LRP1: variants seen among roughly 807,000 people sequenced by gnomAD.
The protein encoded by LRP1 is prolow-density lipoprotein receptor-related protein 1.
LRP1 carries 51 observed loss-of-function variants against 541.5 expected under a neutral mutation model. That is an observed-to-expected ratio of 0.09 (90% confidence interval 0.08 to 0.12). The LOEUF (loss-of-function observed/expected upper bound fraction) is 0.12, where lower values mean the gene tolerates loss of function less well. Among genes scored for constraint, LRP1 ranks in the 10% least tolerant of loss-of-function variants. The pLI is 1.00. For missense variants in LRP1, 3,878 were observed against 6,376.2 expected, an observed-to-expected ratio of 0.61 and a Z score of 13.34; for synonymous variants, 2,219 against 2,470.8, an observed-to-expected ratio of 0.90 and a Z score of 3.02.
In LRP1 at chr12:57,212,760, G is replaced by A; in HGVS notation, c.*205G>A. On this transcript the variant is annotated 3_prime_UTR_variant, in exon 89 of 89. Coordinates refer to ENST00000243077, the MANE Select transcript of LRP1 (RefSeq NM_002332.3). This position sits in a 1 kb window ranked among gnomAD's most constrained non-coding sequence, Gnocchi z 5.0. ...CCATCCCCTCCCTGCCTGCTCCTTG[G>A]CACCCCCATGCTGCCTTCAGGGAGA... The A allele has an allele frequency of 3.5e-6, 2 of 565,238 alleles. No individual in the cohort carries two copies. Among genetic ancestry groups the A allele is most frequent in the South Asian group, 4.5e-5 (2 of 44,910 alleles). 35.0% of individuals were successfully genotyped at this position (565,238 alleles called of 1,614,324 possible).
chr12:57,169,921 AT>A (rs2035913088), intron 20 of LRP1, among the ~76,000 whole-genome samples: 1 of 152,164 alleles, frequency 6.6e-6, no homozygotes, highest in Non-Finnish European at 1.5e-5. Flanking sequence ...AGATGTGCAG[AT>A]TTTTATGTGA....
Position 57,211,133 on chromosome 12 carries a change from T to C in LRP1, c.12917-43T>C, listed in dbSNP as rs1376227978. 1.9e-6 allele frequency: 3 copies of C among 1,599,168 alleles called. No homozygotes were observed. Among genetic ancestry groups the C allele is most frequent in the Non-Finnish European group, 2.6e-6 (3 of 1,168,416 alleles). On this transcript the variant is annotated intron_variant, in intron 83 of 88. Coordinates refer to ENST00000243077, the MANE Select transcript of LRP1 (RefSeq NM_002332.3). The surrounding 1 kb of genome is among the most constrained non-coding windows in gnomAD (Gnocchi z 4.3). Reference sequence around the variant, plus strand: ...CTGTTCAACCTATGGAGAGCCCTCATGAGGGTGGGGCTTGAGGCACTTCTC... The same window carrying C: ...CTGTTCAACCTATGGAGAGCCCTCACGAGGGTGGGGCTTGAGGCACTTCTC...
intron 20 of LRP1, among the ~76,000 whole-genome samples, chr12:57,170,018 A>C (rs1455754276): frequency 6.6e-6 from 1 of 152,256 alleles, no homozygotes; most frequent in Non-Finnish European, 1.5e-5. Flanking sequence ...AACTGTTGGC[A>C]GGGTGGGTTC....
At position 57,156,674 on chromosome 12, in the gene LRP1, C is replaced by A; in HGVS notation, c.1418-103C>A. ...AAATCCTAAAATGGGATAGCAAGCACAAAGACCACAGCAGCAGGGGGTGTG... is the reference window on the plus strand; with the variant it reads ...AAATCCTAAAATGGGATAGCAAGCAAAAAGACCACAGCAGCAGGGGGTGTG... On this transcript the variant is annotated intron_variant, in intron 9 of 88. Coordinates refer to ENST00000243077, the MANE Select transcript of LRP1 (RefSeq NM_002332.3). The surrounding 1 kb of genome is among the most constrained non-coding windows in gnomAD (Gnocchi z 5.2). 7.5e-7 allele frequency: 1 copy of A among 1,332,164 alleles called. No homozygotes were observed. Among genetic ancestry groups the A allele is most frequent in the Admixed American group, 2.5e-5 (1 of 40,744 alleles). 82.5% of individuals were successfully genotyped at this position (1,332,164 alleles called of 1,614,324 possible).
At chr12:57,129,234 G>C (rs945369652) in intron 1 of LRP1, 9 of 587,458 alleles carry the variant, frequency 1.5e-5, no homozygotes, top group Non-Finnish European at 2.8e-5. Flanking sequence ...TGCTTCCGGG[G>C]CCCCCCAGCA....
Position 57,158,544 on chromosome 12 carries a change from T to C in LRP1, c.1704T>C (p.Ala568=), listed in dbSNP as rs375423628. Residue 568 remains alanine, a synonymous_variant, in exon 11 of 89, where the codon GCT becomes GCC. Transcript: ENST00000243077. The surrounding 1 kb of genome is among the most constrained non-coding windows in gnomAD (Gnocchi z 5.3). ...ACCCCCGAGCCCTGGACTTCCACGC[T>C]GAGACCGGCTTCATCTACTTTGCCG... is the stretch of plus-strand genomic sequence containing the variant. ...LMNPRALDFH[A]ETGFIYFADT... The C allele has an allele frequency of 8.1e-6, 13 of 1,613,998 alleles. No homozygotes were observed. Among genetic ancestry groups the C allele is most frequent in the Non-Finnish European group, 1.1e-5 (13 of 1,180,018 alleles).
At chr12:57,203,083 G>C in intron 68 of LRP1, 98 bp from the exon 69 acceptor site, 3 of 890,868 alleles carry the variant, frequency 3.4e-6, no homozygotes, top group East Asian at 2.7e-5. Flanking sequence ...GGCCTTCAGA[G>C]ACACGGGGAT....
intron 3 of LRP1, among the ~76,000 whole-genome samples, chr12:57,141,889 A>C (rs1246063780): frequency 6.6e-6 from 1 of 152,220 alleles, no homozygotes; most frequent in Admixed American, 6.5e-5. Flanking sequence ...GAACACAGGG[A>C]GGAGCAGAGG....
chr12:57,193,277 A>C lies in LRP1; in HGVS notation c.7657A>C (p.Lys2553Gln). Residue 2553 changes from lysine (K) to glutamine (Q), a missense_variant, in exon 46 of 89, where the codon AAG (lysine) becomes CAG (glutamine). Lys to Gln is a moderately conservative substitution (Grantham distance 53). Transcript: ENST00000243077. ...TCDGVPHCKD[K>Q]SDEKPSYCNS... ...CGACGGCGTCCCCCACTGCAAGGAC[A>C]AGTCCGATGAGAAGCCATCCTACTG... 1 of 1,613,528 alleles carries C rather than the reference A, an allele frequency of 6.2e-7. No individual in the cohort carries two copies. Among genetic ancestry groups the C allele is most frequent in the Non-Finnish European group, 8.5e-7 (1 of 1,180,004 alleles).
Position 57,173,894 on chromosome 12 carries a change from A to G in LRP1, c.3461A>G (p.Asn1154Ser). The G allele has an allele frequency of 1.2e-6, 2 of 1,614,236 alleles. No individual in the cohort carries two copies. Among genetic ancestry groups the G allele is most frequent in the Non-Finnish European group, 1.7e-6 (2 of 1,180,036 alleles). Reference protein sequence around the residue: ...ACRPPSHPCANNTSVCLPPDK... With the variant: ...ACRPPSHPCASNTSVCLPPDK... ...AGGCCACCCTCGCACCCTTGTGCCAACAACACCTCAGTCTGCCTGCCCCCT... is the reference window on the plus strand; with the variant it reads ...AGGCCACCCTCGCACCCTTGTGCCAGCAACACCTCAGTCTGCCTGCCCCCT... Residue 1154 changes from asparagine (N) to serine (S), a missense_variant, in exon 22 of 89, where the codon AAC (asparagine) becomes AGC (serine). Physicochemically the swap from Asn to Ser is conservative, Grantham distance 46. This residue lies in a region of LRP1 where 320 missense variants were observed against 547.9 expected (regional missense o/e 0.58). Coordinates refer to ENST00000243077, the MANE Select transcript of LRP1 (RefSeq NM_002332.3). The surrounding 1 kb of genome is among the most constrained non-coding windows in gnomAD (Gnocchi z 4.7).
intron 68 of LRP1, chr12:57,202,919 A>G: frequency 3.6e-6 from 2 of 553,470 alleles, no homozygotes. Context: ...CCCCTCCCCA[A>G]ACACAGTCTG....
In LRP1 at chr12:57,158,788, C is replaced by A; in HGVS notation, c.1798+150C>A. 1.3e-6 allele frequency: 1 copy of A among 747,430 alleles called. No homozygotes were observed. The highest frequency in any genetic ancestry group is 1.7e-5 in the South Asian group (1 of 57,612). 46.3% of individuals were successfully genotyped at this position (747,430 alleles called of 1,614,324 possible). ...AGATGAGGGGATAGACAGATTGACC[C>A]CTGTGTGACCCCCTTCTTGGCTGAG... On this transcript the variant is annotated intron_variant, in intron 11 of 88. Coordinates refer to ENST00000243077, the MANE Select transcript of LRP1 (RefSeq NM_002332.3). This position sits in a 1 kb window ranked among gnomAD's most constrained non-coding sequence, Gnocchi z 5.3.
At chr12:57,176,989 C>A in intron 24 of LRP1, 52 bp from the exon 25 acceptor site, 1 of 1,509,272 alleles carries the variant, frequency 6.6e-7, no homozygotes, top group Non-Finnish European at 9.2e-7. Flanking sequence ...TTCACACATT[C>A]ATGCACAGCT....
In LRP1 at chr12:57,198,616, G is replaced by A; in HGVS notation, c.9622G>A (p.Ala3208Thr). The change falls in exon 60 of 89, where the codon GCC (alanine) becomes ACC (threonine). Residue 3208 changes from alanine (A) to threonine (T), a missense_variant. Coordinates refer to ENST00000243077, the MANE Select transcript of LRP1 (RefSeq NM_002332.3). ...YVTERIYWAD[A>T]REDYIEFASL... ...CACTGAGCGCATCTACTGGGCCGAC[G>A]CCCGCGAGGACTACATTGAATTTGC... is the stretch of plus-strand genomic sequence containing the variant. 1.9e-6 allele frequency: 3 copies of A among 1,613,464 alleles called. No individual in the cohort carries two copies. The highest frequency in any genetic ancestry group is 1.1e-5 in the South Asian group (1 of 90,994).
intron 15 of LRP1, among the ~76,000 whole-genome samples, chr12:57,163,448 A>C (rs35539096): frequency 6.6e-6 from 1 of 152,118 alleles, no homozygotes; most frequent in Non-Finnish European, 1.5e-5. Flanking sequence ...GCGTGGTGGC[A>C]GGTGCCTGTA....
In LRP1 at chr12:57,145,238, C is replaced by G; in HGVS notation, c.589C>G (p.Arg197Gly). The change falls in exon 6 of 89, where the codon CGG (arginine) becomes GGG (glycine). Residue 197 changes from arginine to glycine, a missense_variant. Transcript: ENST00000243077. ...TTCCCCATTCCCAGAGCCAGTAGAC[C>G]GGCCCCCTGTGCTGTTGATAGCCAA... ...SCKAKNEPVDRPPVLLIANSQ... is the reference protein window; with the variant it reads ...SCKAKNEPVDGPPVLLIANSQ... 3 of 1,614,130 alleles carry G rather than the reference C, an allele frequency of 1.9e-6. No individual in the cohort carries two copies. Among genetic ancestry groups the G allele is most frequent in the Non-Finnish European group, 2.5e-6 (3 of 1,180,014 alleles).
chr12:57,148,102 T>A (rs1235166621), intron 6 of LRP1, among the ~76,000 whole-genome samples: 1 of 151,432 alleles, frequency 6.6e-6, no homozygotes, highest in Non-Finnish European at 1.5e-5. Context: ...CTTTCACTAC[T>A]GCTTTCTCAA....
chr12:57,144,750 C>A (rs1031370214), intron 4 of LRP1: 28 of 574,032 alleles, frequency 4.9e-5, no homozygotes, highest in Non-Finnish European at 8.4e-5. Context: ...TAAATCTTCC[C>A]TGCGTGGATG....
intron 10 of LRP1, among the ~76,000 whole-genome samples, chr12:57,157,246 G>A (rs1050621955): frequency 3.3e-5 from 5 of 152,242 alleles, no homozygotes; most frequent in African/African-American, 9.6e-5. Context: ...CTGGCCTCAT[G>A]GAGCTTATAG....
Sources: gnomAD v4.1 joint callset for allele counts (sites outside exome capture counted in the v4.1 genomes callset) on GRCh38, gnomAD v4.1.1 for gene constraint, gnomAD v4.1.1 regional missense constraint, Gnocchi (gnomAD v3.1) non-coding constraint, MANE v1.5 for transcripts, NCBI Gene and HGNC (gene_info 2026-07-23, HGNC 2026-07-21) for gene names.